Variants in OR5AS1 observed in about 807,000 individuals in gnomAD.
OR5AS1 encodes olfactory receptor family 5 subfamily AS member 1.
For synonymous variants in OR5AS1, 196 were observed against 141.7 expected (o/e 1.38, Z -2.72); for missense variants, 492 against 378.2 (o/e 1.30, Z -2.50).
rs1463086117 is a variant in OR5AS1, at chr11:56,034,331, T to G, written c.*2938T>G. 2 of 152,030 alleles carry G rather than the reference T, an allele frequency of 1.3e-5. No individual in the cohort carries two copies. The highest frequency in any genetic ancestry group is 4.8e-5 in the African/African-American group (2 of 41,330). The allele number at this position is 152,030 out of a possible 1,614,324, so 9.4% of individuals were successfully genotyped here. A position where few individuals can be genotyped will look rare whatever the true frequency, so the allele number is the denominator to read the frequency against. ...AACTCCTCTGAGCTAAAGGAGCATG[T>G]CCTAACTCAATGCAAAGAAGCTAAG... On this transcript the variant is annotated 3_prime_UTR_variant, in exon 2 of 2. Coordinates refer to ENST00000641320, the MANE Select transcript of OR5AS1 (RefSeq NM_001001921.2).
intron 1 of OR5AS1, among the ~76,000 whole-genome samples, chr11:56,030,003 T>G (rs1448232417): frequency 6.6e-6 from 1 of 152,128 alleles, no homozygotes; most frequent in Non-Finnish European, 1.5e-5. Context: ...CTCTCCTTTA[T>G]GTAGAAGAAT....
rs1424729134 is a variant in OR5AS1, at chr11:56,034,842, A to ATGTTAAGG, written c.*3458_*3465dup. The ATGTTAAGG allele has an allele frequency of 6.6e-6, 1 of 152,086 alleles. No homozygotes were observed. Among genetic ancestry groups the ATGTTAAGG allele is most frequent in the African/African-American group, 2.4e-5 (1 of 41,348 alleles). The allele number at this position is 152,086 out of a possible 1,614,324, so 9.4% of individuals were successfully genotyped here. Reference sequence around the variant, plus strand: ...CACCAAGGTGGAAATGAAGGAAAAAATGTTAAGGTGTTAAGGACAGCCAGA... The same window carrying ATGTTAAGG: ...CACCAAGGTGGAAATGAAGGAAAAAATGTTAAGGTGTTAAGGTGTTAAGGACAGCCAGA... On this transcript the variant is annotated 3_prime_UTR_variant, in exon 2 of 2. Transcript: ENST00000641320.
rs34315017 is a variant in OR5AS1 at position 56,037,819 on chromosome 11, C to T, written c.*6426C>T. 5.7e-4 allele frequency: 87 copies of T among 151,834 alleles called. 1 individual carries two copies. Among genetic ancestry groups the T allele is most frequent in the African/African-American group, 1.6e-3 (67 of 41,386 alleles). The allele number at this position is 151,834 out of a possible 1,614,324, so 9.4% of individuals were successfully genotyped here. ...AACAGCCCATGTAGCCCAGGCAATC[C>T]TAAGCAAAAAGAACAAAGCTGGAGG... On this transcript the variant is annotated 3_prime_UTR_variant, in exon 2 of 2. Coordinates refer to ENST00000641320, the MANE Select transcript of OR5AS1 (RefSeq NM_001001921.2).
Position 56,031,533 on chromosome 11 carries a change from AT to A in OR5AS1, c.*141del. ...AAATGCTTCATCCTCTCTTCCAAAA[AT>A]GTTCTCTCCACAATTCTACTCTATA... On this transcript the variant is annotated 3_prime_UTR_variant, in exon 2 of 2. Transcript: ENST00000641320. 1 of 614,410 alleles carries A rather than the reference AT, an allele frequency of 1.6e-6. No individual in the cohort carries two copies. The highest frequency in any genetic ancestry group is 2.8e-6 in the Non-Finnish European group (1 of 358,748). The allele number at this position is 614,410 out of a possible 1,614,324, so 38.1% of individuals were successfully genotyped here. A position where few individuals can be genotyped will look rare whatever the true frequency, so the allele number is the denominator to read the frequency against.
Position 56,030,928 on chromosome 11 carries a change from C to T in OR5AS1, c.510C>T (p.Gly170=), listed in dbSNP as rs755162090. ...VCLTFRLSFC[G]SNIVNHFFCD... ...TCACATTCAGGCTGTCATTTTGTGG[C>T]TCCAATATCGTCAATCATTTTTTCT... The change falls in exon 2 of 2, where the codon GGC becomes GGT. Residue 170 remains glycine (G), a synonymous_variant. Transcript: ENST00000641320. 2 of 1,614,140 alleles carry T rather than the reference C, an allele frequency of 1.2e-6. No individual in the cohort carries two copies. The highest frequency in any genetic ancestry group is 1.7e-5 in the Admixed American group (1 of 60,028).
rs1455851570 is a variant in OR5AS1 at position 56,030,477 on chromosome 11, A to G, written c.59A>G (p.Tyr20Cys). 2 of 1,504,274 alleles carry G rather than the reference A, an allele frequency of 1.3e-6. No individual in the cohort carries two copies. The highest frequency in any genetic ancestry group is 2.8e-5 in the African/African-American group (2 of 71,366). The allele number at this position is 1,504,274 out of a possible 1,614,324, so 93.2% of individuals were successfully genotyped here. A position where few individuals can be genotyped will look rare whatever the true frequency, so the allele number is the denominator to read the frequency against. ...TEFLFVGFTDYLPLRVTLFLV... is the reference protein window; with the variant it reads ...TEFLFVGFTDCLPLRVTLFLV... ...TTCCTATTTGTTGGATTCACAGATTATCTACCTCTCAGAGTCACACTGTTC... is the reference window on the plus strand; with the variant it reads ...TTCCTATTTGTTGGATTCACAGATTGTCTACCTCTCAGAGTCACACTGTTC... Residue 20 changes from tyrosine (Y) to cysteine (C), a missense_variant, in exon 2 of 2, where the codon TAT becomes TGT. Transcript: ENST00000641320.
intron 1 of OR5AS1, among the ~76,000 whole-genome samples, chr11:56,029,418 C>A (rs1853325720): frequency 6.6e-6 from 1 of 151,814 alleles, no homozygotes; most frequent in African/African-American, 2.4e-5. Context: ...AACCTCACAC[C>A]AAACAGTGCT....
chr11:56,030,686 A>T lies in OR5AS1; in HGVS notation c.268A>T (p.Lys90Ter), dbSNP rs1211904462. 1.3e-6 allele frequency: 2 copies of T among 1,594,552 alleles called. No homozygotes were observed. The highest frequency in any genetic ancestry group is 4.5e-5 in the East Asian group (2 of 44,590). ...GCTGGCAAACTTCTTGGCATCCAGG[A>T]AAAGCATCTCTCCTTATGGGTGTGC... ...KMLANFLASR[K>*]SISPYGCALQ... The change falls in exon 2 of 2, where the codon AAA becomes TAA. Residue 90 changes from lysine (K) to a stop codon, truncating the protein, a stop_gained. Coordinates refer to ENST00000641320, the MANE Select transcript of OR5AS1 (RefSeq NM_001001921.2). LOFTEE classifies it low-confidence loss of function (END_TRUNC).
At chr11:56,029,288 A>T (rs767593810) in intron 1 of OR5AS1, among the ~76,000 whole-genome samples, 1 of 152,062 alleles carries the variant, frequency 6.6e-6, no homozygotes, top group African/African-American at 2.4e-5. Context: ...ATTTAAAATC[A>T]TCTCAGCTTT....
intron 1 of OR5AS1, among the ~76,000 whole-genome samples, chr11:56,029,304 T>G (rs536541270): frequency 6.6e-6 from 1 of 152,096 alleles, no homozygotes; most frequent in East Asian, 1.9e-4. Context: ...GCTTTTCTTG[T>G]TCTTGATTAT....
chr11:56,030,808 G>A lies in OR5AS1; in HGVS notation c.390G>A (p.Leu130=), dbSNP rs1382302271. 9 of 1,614,042 alleles carry A rather than the reference G, an allele frequency of 5.6e-6. No homozygotes were observed. The highest frequency in any genetic ancestry group is 2.2e-5 in the East Asian group (1 of 44,866). ...GCTATGCAGCCATCTGCAACCCACTGCTCTATACTACACTGATGTCTAGGA... is the reference window on the plus strand; with the variant it reads ...GCTATGCAGCCATCTGCAACCCACTACTCTATACTACACTGATGTCTAGGA... The part of the protein sequence containing the change: ...YDRYAAICNP[L]LYTTLMSRRV... The change falls in exon 2 of 2, where the codon CTG becomes CTA. Residue 130 remains leucine, a synonymous_variant. Coordinates refer to ENST00000641320, the MANE Select transcript of OR5AS1 (RefSeq NM_001001921.2).
chr11:56,030,731 G>A lies in OR5AS1; in HGVS notation c.313G>A (p.Ala105Thr), dbSNP rs370300707. ...GTGTGCACTACAAATGTTTTTCTTC[G>A]CTTCTTTTGCTGATGCTGAGTGCCT... The part of the protein sequence containing the change: ...YGCALQMFFF[A>T]SFADAECLIL... Residue 105 changes from alanine (A) to threonine (T), a missense_variant, in exon 2 of 2, where the codon GCT (alanine) becomes ACT (threonine). Coordinates refer to ENST00000641320, the MANE Select transcript of OR5AS1 (RefSeq NM_001001921.2). 143 of 1,611,514 alleles carry A rather than the reference G, an allele frequency of 8.9e-5. No homozygotes were observed. Among genetic ancestry groups the A allele is most frequent in the African/African-American group, 1.3e-4 (10 of 74,710 alleles).
In OR5AS1 at chr11:56,032,136, C is replaced by A. The variant is rs61889978; in HGVS notation, c.*743C>A. On this transcript the variant is annotated 3_prime_UTR_variant, in exon 2 of 2. Transcript: ENST00000641320. ...TTATTATTAAGTCAGAATGAAGATA[C>A]ATCACATTGTCTTTGGGCTAAGTTG... The A allele has an allele frequency of 6.6e-6, 1 of 152,070 alleles. No homozygotes were observed. The allele number at this position is 152,070 out of a possible 1,614,324, so 9.4% of individuals were successfully genotyped here.
At position 56,032,376 on chromosome 11, in the gene OR5AS1, C is replaced by A. The variant is rs1053555356; in HGVS notation, c.*983C>A. On this transcript the variant is annotated 3_prime_UTR_variant, in exon 2 of 2. Transcript: ENST00000641320. Reference sequence around the variant, plus strand: ...CAATGCAAGGCAATTAAAGTATAAACAATTTTTACTCTGTAATCGATTTTG... The same window carrying A: ...CAATGCAAGGCAATTAAAGTATAAAAAATTTTTACTCTGTAATCGATTTTG... The A allele has an allele frequency of 1.3e-5, 2 of 152,054 alleles. No individual in the cohort carries two copies. Among genetic ancestry groups the A allele is most frequent in the African/African-American group, 2.4e-5 (1 of 41,364 alleles). 9.4% of individuals were successfully genotyped at this position (152,054 alleles called of 1,614,324 possible). A position where few individuals can be genotyped will look rare whatever the true frequency, so the allele number is the denominator to read the frequency against.
Position 56,035,809 on chromosome 11 carries a change from A to C in OR5AS1, c.*4416A>C, listed in dbSNP as rs575115153. The C allele has an allele frequency of 3.4e-4, 52 of 152,148 alleles. No homozygotes were observed. Among genetic ancestry groups the C allele is most frequent in the African/African-American group, 1.2e-3 (51 of 41,458 alleles). The allele number at this position is 152,148 out of a possible 1,614,324, so 9.4% of individuals were successfully genotyped here. ...ACCTAATAGACCTCTACAGAACTCT[A>C]CACCCCAAATCAATAGAATATACAT... On this transcript the variant is annotated 3_prime_UTR_variant, in exon 2 of 2. Transcript: ENST00000641320.
rs2512948 is a variant in OR5AS1 at position 56,034,597 on chromosome 11, G to A, written c.*3204G>A. The stretch of plus-strand genomic sequence containing the variant: ...CAAAGAAATGAACAAAGCCCCCAGG[G>A]ATTATGGGACTATGTGAAAAGAGCA... On this transcript the variant is annotated 3_prime_UTR_variant, in exon 2 of 2. Coordinates refer to ENST00000641320, the MANE Select transcript of OR5AS1 (RefSeq NM_001001921.2). The A allele has an allele frequency of 0.98, 148,594 of 152,194 alleles. 72,674 individuals carry two copies. Among genetic ancestry groups the A allele is most frequent in the East Asian group, 1 (5,182 of 5,182 alleles). The allele number at this position is 152,194 out of a possible 1,614,324, so 9.4% of individuals were successfully genotyped here.
rs1017930372 is a variant in OR5AS1 at position 56,032,007 on chromosome 11, C to T, written c.*614C>T. The T allele has an allele frequency of 6.6e-6, 1 of 152,068 alleles. No homozygotes were observed. Among genetic ancestry groups the T allele is most frequent in the Non-Finnish European group, 1.5e-5 (1 of 68,040 alleles). The allele number at this position is 152,068 out of a possible 1,614,324, so 9.4% of individuals were successfully genotyped here. On this transcript the variant is annotated 3_prime_UTR_variant, in exon 2 of 2. Coordinates refer to ENST00000641320, the MANE Select transcript of OR5AS1 (RefSeq NM_001001921.2). ...TGAGTCTATATTTGTACTCACAAAG[C>T]ATTTGTCAATAGAGATATTTTATAA...
rs1853335302 is a variant in OR5AS1, at chr11:56,030,471, C to T, written c.53C>T (p.Thr18Ile). The T allele has an allele frequency of 3.3e-6, 5 of 1,495,050 alleles. No individual in the cohort carries two copies. In the South Asian group the frequency reaches 4.4e-5, roughly 13 times the overall value. The allele number at this position is 1,495,050 out of a possible 1,614,324, so 92.6% of individuals were successfully genotyped here. The change falls in exon 2 of 2, where the codon ACA (threonine) becomes ATA (isoleucine). Residue 18 changes from threonine to isoleucine, a missense_variant. Physicochemically the swap from Thr to Ile is moderately conservative, Grantham distance 89 (BLOSUM62 -1). Transcript: ENST00000641320. The part of the protein sequence containing the change: ...MPTEFLFVGF[T>I]DYLPLRVTLF... ...ACTGAGTTCCTATTTGTTGGATTCACAGATTATCTACCTCTCAGAGTCACA... is the reference window on the plus strand; with the variant it reads ...ACTGAGTTCCTATTTGTTGGATTCATAGATTATCTACCTCTCAGAGTCACA...
At position 56,031,936 on chromosome 11, in the gene OR5AS1, G is replaced by A. The variant is rs1772801243; in HGVS notation, c.*543G>A. On this transcript the variant is annotated 3_prime_UTR_variant, in exon 2 of 2. Coordinates refer to ENST00000641320, the MANE Select transcript of OR5AS1 (RefSeq NM_001001921.2). ...GGATGGAGGGATGGATAGATGGATA[G>A]ATAGATGAATGACTGGGAAAATACA... is the stretch of plus-strand genomic sequence containing the variant. 1.3e-5 allele frequency: 2 copies of A among 152,362 alleles called. No homozygotes were observed. Among genetic ancestry groups the A allele is most frequent in the Non-Finnish European group, 2.9e-5 (2 of 68,220 alleles). The allele number at this position is 152,362 out of a possible 1,614,324, so 9.4% of individuals were successfully genotyped here. A position where few individuals can be genotyped will look rare whatever the true frequency, so the allele number is the denominator to read the frequency against.
Sources: allele counts gnomAD v4.1 joint callset (sites outside exome capture counted in the v4.1 genomes callset), GRCh38; gene constraint gnomAD v4.1.1; transcripts MANE v1.5; gene names NCBI Gene and HGNC (gene_info 2026-07-23, HGNC 2026-07-21).